Variants in PTK2 observed in about 807,000 individuals in gnomAD.
The protein encoded by PTK2 is focal adhesion kinase 1.
Under a neutral mutation model 150.1 loss-of-function variants are expected in PTK2, and 45 were observed. That is an observed-to-expected ratio of 0.30 (90% CI 0.24 to 0.38). The LOEUF (loss-of-function observed/expected upper bound fraction) is 0.38, where lower values mean the gene tolerates loss of function less well. PTK2 is among the 10% of genes least tolerant of loss of function. The probability of loss-of-function intolerance (pLI) is 1.00; values close to 1 mark genes in which losing one functional copy is unlikely to be tolerated. For missense variants in PTK2, 919 were observed against 1,307.3 expected, an observed-to-expected ratio of 0.70 and a Z score of 4.58; for synonymous variants, 432 against 449.2, an observed-to-expected ratio of 0.96 and a Z score of 0.48.
chr8:140,921,183 C>A, intron 2 of PTK2: 1 of 1,121,880 alleles, frequency 8.9e-7, no homozygotes, highest in South Asian at 4.2e-5. Context: ...AGAATGAAAC[C>A]AGCTTAGTAA....
intron 1 of PTK2, among the ~76,000 whole-genome samples, chr8:140,977,756 C>A (rs1357720183): frequency 5.3e-5 from 8 of 151,860 alleles, no homozygotes; most frequent in Non-Finnish European, 1.0e-4. Context: ...CAAAACTTAG[C>A]CCTTGGATAA....
At chr8:140,800,121 C>T (rs2100094097) in intron 12 of PTK2, among the ~76,000 whole-genome samples, 1 of 151,962 alleles carries the variant, frequency 6.6e-6, no homozygotes, top group Non-Finnish European at 1.5e-5. Context: ...TAACGGATTC[C>T]TTTTTTTAAA....
intron 26 of PTK2, among the ~76,000 whole-genome samples, chr8:140,697,716 T>C (rs1232044717): frequency 6.6e-6 from 1 of 152,114 alleles, no homozygotes; most frequent in Non-Finnish European, 1.5e-5. Flanking sequence ...AGAACAGTCT[T>C]TTTTTCTTTT....
At chr8:140,729,007 A>C (rs902295590) in intron 22 of PTK2, among the ~76,000 whole-genome samples, 2 of 152,106 alleles carry the variant, frequency 1.3e-5, no homozygotes, top group African/African-American at 4.8e-5. Context: ...TCACAGATCA[A>C]CTGAAATAGT....
chr8:140,883,708 T>TA (rs2100150596), intron 3 of PTK2, among the ~76,000 whole-genome samples: 1 of 152,106 alleles, frequency 6.6e-6, no homozygotes, highest in Non-Finnish European at 1.5e-5. Context: ...GGTCCAGTCA[T>TA]AAACTAGGAG....
chr8:140,832,749 C>T (rs965297604), intron 7 of PTK2: 6 of 496,202 alleles, frequency 1.2e-5, no homozygotes, highest in South Asian at 2.9e-5. Context: ...AGCTACGCAC[C>T]GAGAACAGAA....
At chr8:140,686,226 C>T (rs757320107) in intron 27 of PTK2, among the ~76,000 whole-genome samples, 23 of 151,996 alleles carry the variant, frequency 1.5e-4, no homozygotes, top group African/African-American at 3.4e-4. Flanking sequence ...CAACAGACTC[C>T]GGGGCCCACT....
intron 14 of PTK2, among the ~76,000 whole-genome samples, chr8:140,786,667 T>G (rs2100085156): frequency 6.6e-6 from 1 of 152,008 alleles, no homozygotes; most frequent in African/African-American, 2.4e-5. Context: ...TATACCACAC[T>G]TGTTTCTCTG....
At chr8:140,850,921 T>C (rs1174726102) in intron 5 of PTK2, among the ~76,000 whole-genome samples, 2 of 152,238 alleles carry the variant, frequency 1.3e-5, no homozygotes, top group South Asian at 2.1e-4. Context: ...GTATTGCATA[T>C]GTCAACTCAA....
At position 140,769,708 on chromosome 8, in the gene PTK2, G is replaced by C. The variant is rs531928893; in HGVS notation, c.1178-5418C>G. 34 of 577,226 alleles carry C rather than the reference G, an allele frequency of 5.9e-5. No homozygotes were observed. The South Asian group carries it at 6.8e-4, about 12-fold the overall frequency. The allele number at this position is 577,226 out of a possible 1,614,324, so 35.8% of individuals were successfully genotyped here. ...CTATTAAAATGACAAGTAAACCAAA[G>C]TGTAAGAAAAATAAAAAACAATTAC... is the stretch of plus-strand genomic sequence containing the variant. On this transcript the variant is annotated intron_variant, in intron 14 of 31. Transcript: ENST00000522684.
At chr8:140,736,359 C>T (rs912782604) in intron 21 of PTK2, among the ~76,000 whole-genome samples, 5 of 151,976 alleles carry the variant, frequency 3.3e-5, no homozygotes, top group African/African-American at 1.2e-4. Flanking sequence ...CAACAGACAG[C>T]AGGGAATAAA....
intron 23 of PTK2, among the ~76,000 whole-genome samples, chr8:140,712,470 A>T (rs1331878218): frequency 6.6e-6 from 1 of 152,210 alleles, no homozygotes; most frequent in South Asian, 2.1e-4. Flanking sequence ...TGACACCAAA[A>T]TGCAAGTGGT....
intron 1 of PTK2, among the ~76,000 whole-genome samples, chr8:140,973,328 G>A (rs1021120200): frequency 6.6e-6 from 1 of 152,090 alleles, no homozygotes; most frequent in Non-Finnish European, 1.5e-5. Flanking sequence ...CCTTTGGATG[G>A]GGCTGGAGAG....
chr8:140,742,670 TCTTC>T (rs1481986299), intron 20 of PTK2, among the ~76,000 whole-genome samples: 2 of 152,226 alleles, frequency 1.3e-5, no homozygotes, highest in African/African-American at 4.8e-5. Flanking sequence ...ATGAAATGTC[TCTTC>T]CTATTTTTTT....
At chr8:140,658,814 A>C (rs1249835649) in exon 32 of PTK2, 1 of 225,968 alleles carries the variant, frequency 4.4e-6, no homozygotes, top group Admixed American at 5.7e-5. Flanking sequence ...ATGAGTTTTT[A>C]GTTGTGTTCT....
At chr8:140,912,261 CA>C (rs1555373907) in intron 2 of PTK2, among the ~76,000 whole-genome samples, 1 of 148,882 alleles carries the variant, frequency 6.7e-6, no homozygotes, top group African/African-American at 2.5e-5. Context: ...AAAAAAAAAA[CA>C]AAAAAACAAA....
At position 140,834,780 on chromosome 8, in the gene PTK2, A is replaced by T. The variant is rs564020067; in HGVS notation, c.594-4254T>A. Among the ~76,000 whole-genome samples, 433 of 152,362 alleles carry T rather than the reference A, an allele frequency of 2.8e-3. 3 individuals are homozygous for T. Among genetic ancestry groups the T allele is most frequent in the Middle Eastern group, 0.017 (5 of 294 alleles). On this transcript the variant is annotated intron_variant, in intron 7 of 31. Transcript: ENST00000522684. Reference sequence around the variant, plus strand: ...AAGGTTTTTCTGGCCAATTTTAAACAGAACTCTCTTAATGTTTAACTGACC... The same window carrying T: ...AAGGTTTTTCTGGCCAATTTTAAACTGAACTCTCTTAATGTTTAACTGACC...
At chr8:140,666,643 G>A (rs1156365234) in intron 30 of PTK2, among the ~76,000 whole-genome samples, 1 of 152,092 alleles carries the variant, frequency 6.6e-6, no homozygotes, top group Non-Finnish European at 1.5e-5. Context: ...GTGAGAATAT[G>A]GAGAAACTGG....
chr8:140,741,927 C>T (rs1335676422), intron 20 of PTK2, among the ~76,000 whole-genome samples: 1 of 152,078 alleles, frequency 6.6e-6, no homozygotes, highest in African/African-American at 2.4e-5. Context: ...TAGCTTCAGC[C>T]CAGGAGTTTG....
Sources: gnomAD v4.1 joint callset for allele counts (sites outside exome capture counted in the v4.1 genomes callset) on GRCh38, gnomAD v4.1.1 for gene constraint, MANE v1.5 for transcripts, NCBI Gene and HGNC (gene_info 2026-07-23, HGNC 2026-07-21) for gene names.